Variants in PDPK1 observed in about 807,000 individuals in gnomAD.
PDPK1 encodes 3-phosphoinositide-dependent protein kinase 1.
PDPK1 carries 7 observed loss-of-function variants against 39.8 expected under a neutral mutation model. That is an observed-to-expected ratio of 0.18 (90% CI 0.10 to 0.33). The LOEUF is 0.33. Ranked by LOEUF, PDPK1 falls within the 10% of genes least tolerant of loss-of-function variation. PDPK1 has a pLI of 1.00. For missense variants in PDPK1, 182 were observed against 384.7 expected (o/e 0.47, Z 4.41); for synonymous variants, 118 against 159.1 (o/e 0.74, Z 1.95).
rs529777473 is a variant in PDPK1, at chr16:2,542,064, T to G, written c.24+3928T>G. On this transcript the variant is annotated intron_variant, in intron 1 of 13. Coordinates refer to ENST00000342085, the MANE Select transcript of PDPK1 (RefSeq NM_002613.5). Reference sequence around the variant, plus strand: ...TTTTCCTGATATTTAAACTGGAATTTTTGCTCCAAGAAATTCCAGGTCATT... The same window carrying G: ...TTTTCCTGATATTTAAACTGGAATTGTTGCTCCAAGAAATTCCAGGTCATT... 1.2e-4 allele frequency among the ~76,000 whole-genome samples: 19 copies of G among 152,292 alleles called. No individual in the cohort carries two copies. In the South Asian group the frequency reaches 3.5e-3, roughly 28 times the overall value.
rs558131885 is a variant in PDPK1 at position 2,577,311 on chromosome 16, C to T, written c.710-114C>T. On this transcript the variant is annotated intron_variant, in intron 6 of 13. Transcript: ENST00000342085. ...GAGCCATGAGCCAGCCCCGGTGCGCCCCGGACAAGTCTGGCTCCTGGGGGT... is the reference window on the plus strand; with the variant it reads ...GAGCCATGAGCCAGCCCCGGTGCGCTCCGGACAAGTCTGGCTCCTGGGGGT... 29 of 704,370 alleles carry T rather than the reference C, an allele frequency of 4.1e-5. 1 individual carries two copies. Among genetic ancestry groups the T allele is most frequent in the South Asian group, 3.4e-4 (22 of 63,884 alleles). The allele number at this position is 704,370 out of a possible 1,614,324, so 43.6% of individuals were successfully genotyped here. A position where few individuals can be genotyped will look rare whatever the true frequency, so the allele number is the denominator to read the frequency against.
Position 2,602,044 on chromosome 16 carries a change from C to G in PDPK1, c.*4277C>G, listed in dbSNP as rs2067227923. 1 of 234,296 alleles carries G rather than the reference C, an allele frequency of 4.3e-6. No individual in the cohort carries two copies. The highest frequency in any genetic ancestry group is 2.2e-5 in the African/African-American group (1 of 45,274). 14.5% of individuals were successfully genotyped at this position (234,296 alleles called of 1,614,324 possible). On this transcript the variant is annotated 3_prime_UTR_variant, in exon 14 of 14. Transcript: ENST00000342085. ...GCCCTCTGAAGCCTGAGGGCCCCCC[C>G]TTGCCTGGCTGGTTGACAGACCCGG...
rs924081462 is a variant in PDPK1 at position 2,602,810 on chromosome 16, A to G, written c.*5043A>G. On this transcript the variant is annotated 3_prime_UTR_variant, in exon 14 of 14. Coordinates refer to ENST00000342085, the MANE Select transcript of PDPK1 (RefSeq NM_002613.5). ...AAAAGAACTTATGAAAACAAATGCA[A>G]TGATACTAGGATATACACTTTTGTA... 17 of 233,926 alleles carry G rather than the reference A, an allele frequency of 7.3e-5. No homozygotes were observed. Among genetic ancestry groups the G allele is most frequent in the African/African-American group, 4.4e-5 (2 of 45,318 alleles). 14.5% of individuals were successfully genotyped at this position (233,926 alleles called of 1,614,324 possible).
intron 1 of PDPK1, among the ~76,000 whole-genome samples, chr16:2,547,181 C>T (rs1276117834): frequency 6.7e-6 from 1 of 150,052 alleles, no homozygotes; most frequent in African/African-American, 2.5e-5. Context: ...AGGCTCCCAA[C>T]TTACGAGCTA....
At chr16:2,589,184 G>C (rs934848095) in intron 11 of PDPK1, among the ~76,000 whole-genome samples, 5 of 152,150 alleles carry the variant, frequency 3.3e-5, no homozygotes, top group African/African-American at 4.8e-5. Context: ...TCGAACTCCT[G>C]ACCTCGAGTG....
intron 1 of PDPK1, chr16:2,538,949 C>T: frequency 2.5e-6 from 1 of 397,352 alleles, no homozygotes; most frequent in South Asian, 2.1e-5. Flanking sequence ...AAATTTATGC[C>T]TTGTATGCGA....
chr16:2,539,654 G>C (rs1311344189), intron 1 of PDPK1: 4 of 152,212 alleles, frequency 2.6e-5, no homozygotes, highest in South Asian at 2.1e-4. Flanking sequence ...CTGTACACCA[G>C]AGTGGCCCGG....
rs75824263 is a variant in PDPK1 at position 2,586,755 on chromosome 16, C to G, written c.1205C>G (p.Thr402Arg). 25 of 1,614,234 alleles carry G rather than the reference C, an allele frequency of 1.5e-5. No homozygotes were observed. Among genetic ancestry groups the G allele is most frequent in the Non-Finnish European group, 2.1e-5 (25 of 1,180,026 alleles). Residue 402 changes from threonine to arginine, a missense_variant, in exon 11 of 14, where the codon ACG becomes AGG. Around this residue, in one of 5 missense-constraint regions of PDPK1, gnomAD observed 90 missense variants for 111.9 expected, o/e 0.80. Transcript: ENST00000342085. ...TCACACTCCCTGTCAGCCTCCGACA[C>G]GGGCCTGCCCCAGAGGTCAGGCAGC... Reference protein sequence around the residue: ...SSSHSLSASDTGLPQRSGSNI... With the variant: ...SSSHSLSASDRGLPQRSGSNI...
chr16:2,559,244 C>T (rs2066560535), intron 2 of PDPK1, among the ~76,000 whole-genome samples: 1 of 147,692 alleles, frequency 6.8e-6, no homozygotes, highest in South Asian at 2.1e-4. Flanking sequence ...CAGAGTCTTG[C>T]TCTGTCACCC....
intron 1 of PDPK1, among the ~76,000 whole-genome samples, chr16:2,552,031 A>C (rs1311549412): frequency 1.3e-5 from 2 of 151,268 alleles, no homozygotes; most frequent in South Asian, 2.1e-4. Flanking sequence ...ATGGGGTCTC[A>C]CTGTGTTGCC....
chr16:2,592,994 G>T, intron 11 of PDPK1: 1 of 456,686 alleles, frequency 2.2e-6, no homozygotes, highest in Non-Finnish European at 4.4e-6. Flanking sequence ...GACACTGCTG[G>T]GAGTGCCTCT....
rs1025385114 is a variant in PDPK1, at chr16:2,586,759, C to A, written c.1209C>A (p.Gly403=). The A allele has an allele frequency of 6.2e-7, 1 of 1,614,148 alleles. No individual in the cohort carries two copies. The highest frequency in any genetic ancestry group is 1.7e-5 in the Admixed American group (1 of 60,012). The change falls in exon 11 of 14, where the codon GGC becomes GGA. Residue 403 remains glycine (G), a synonymous_variant. Coordinates refer to ENST00000342085, the MANE Select transcript of PDPK1 (RefSeq NM_002613.5). The stretch of plus-strand genomic sequence containing the variant: ...ACTCCCTGTCAGCCTCCGACACGGG[C>A]CTGCCCCAGAGGTCAGGCAGCAACA... ...SSHSLSASDT[G]LPQRSGSNIE... is the part of the protein sequence containing the mutation.
At chr16:2,540,219 T>C (rs2066219106) in intron 1 of PDPK1, among the ~76,000 whole-genome samples, 1 of 152,190 alleles carries the variant, frequency 6.6e-6, no homozygotes, top group South Asian at 2.1e-4. Flanking sequence ...CCAGTGAACT[T>C]TCCCTTGTGT....
intron 1 of PDPK1, among the ~76,000 whole-genome samples, chr16:2,545,002 T>G (rs1400459106): frequency 6.6e-6 from 1 of 151,324 alleles, no homozygotes; most frequent in Non-Finnish European, 1.5e-5. Flanking sequence ...CTGTACAACC[T>G]CTTCATCATC....
Position 2,602,773 on chromosome 16 carries a change from A to G in PDPK1, c.*5006A>G, listed in dbSNP as rs1183878150. The G allele has an allele frequency of 4.3e-6, 1 of 234,654 alleles. No individual in the cohort carries two copies. Among genetic ancestry groups the G allele is most frequent in the African/African-American group, 2.2e-5 (1 of 45,478 alleles). The allele number at this position is 234,654 out of a possible 1,614,324, so 14.5% of individuals were successfully genotyped here. ...GTAGCTGTAACTGTGATGTACAGAC[A>G]AAGCAAAAATTAAAAGAACTTATGA... On this transcript the variant is annotated 3_prime_UTR_variant, in exon 14 of 14. Coordinates refer to ENST00000342085, the MANE Select transcript of PDPK1 (RefSeq NM_002613.5).
chr16:2,546,085 A>G (rs1232893151), intron 1 of PDPK1, among the ~76,000 whole-genome samples: 2 of 152,040 alleles, frequency 1.3e-5, no homozygotes, highest in African/African-American at 4.8e-5. Context: ...GATGAGCTAA[A>G]GGTAACTTTT....
Position 2,597,152 on chromosome 16 carries a change from G to C in PDPK1, c.1431G>C (p.Leu477Phe), listed in dbSNP as rs773372279. 1 of 1,569,504 alleles carries C rather than the reference G, an allele frequency of 6.4e-7. No individual in the cohort carries two copies. The highest frequency in any genetic ancestry group is 8.7e-7 in the Non-Finnish European group (1 of 1,149,430). Residue 477 changes from leucine (L) to phenylalanine (F), a missense_variant, in exon 13 of 14, where the codon TTG (leucine) becomes TTC (phenylalanine). Coordinates refer to ENST00000342085, the MANE Select transcript of PDPK1 (RefSeq NM_002613.5). This position sits in a 1 kb window ranked among gnomAD's most constrained non-coding sequence, Gnocchi z 6.3. ...KGLFARRRQL[L>F]LTEGPHLYYV... ...TATTTGCAAGACGACGACAGCTGTT[G>C]CTCACAGAAGGACCACATTTATATT...
intron 12 of PDPK1, among the ~76,000 whole-genome samples, chr16:2,596,413 C>T (rs926854206): frequency 3.9e-5 from 6 of 152,156 alleles, no homozygotes; most frequent in African/African-American, 1.4e-4. Flanking sequence ...CCAGGATGGT[C>T]TTGATCTCCT....
Position 2,598,682 on chromosome 16 carries a change from G to A in PDPK1, c.*915G>A, listed in dbSNP as rs949976095. On this transcript the variant is annotated 3_prime_UTR_variant, in exon 14 of 14. Coordinates refer to ENST00000342085, the MANE Select transcript of PDPK1 (RefSeq NM_002613.5). ...AGAGCAGAGAGGGCTGCTGACTTCC[G>A]TGTGGAGCAGAGAGGCCTGAGGGCC... 2.6e-5 allele frequency: 6 copies of A among 233,300 alleles called. No individual in the cohort carries two copies. The highest frequency in any genetic ancestry group is 6.6e-5 in the African/African-American group (3 of 45,340). 14.5% of individuals were successfully genotyped at this position (233,300 alleles called of 1,614,324 possible). A position where few individuals can be genotyped will look rare whatever the true frequency, so the allele number is the denominator to read the frequency against.
Sources: allele counts gnomAD v4.1 joint callset (sites outside exome capture counted in the v4.1 genomes callset), GRCh38; gene constraint gnomAD v4.1.1; regional missense constraint gnomAD v4.1.1; non-coding constraint Gnocchi (gnomAD v3.1); transcripts MANE v1.5; gene names NCBI Gene and HGNC (gene_info 2026-07-23, HGNC 2026-07-21).